ABCG2: variants seen among roughly 807,000 people sequenced by gnomAD.
ABCG2 encodes the protein ATP binding cassette subfamily G member 2 (JR blood group).
In ABCG2, 80 loss-of-function variants were observed where a neutral mutation model predicts 73.5. The observed-to-expected ratio is 1.09, with a 90% CI of 0.91 to 1.31. The LOEUF (loss-of-function observed/expected upper bound fraction) is 1.31, where lower values mean the gene tolerates loss of function less well. Among genes scored for constraint, ABCG2 ranks in the 50% most tolerant of loss-of-function variants. The pLI, the probability that ABCG2 is intolerant of heterozygous loss-of-function variation, is 0.00. For missense variants in ABCG2, 796 were observed against 786.2 expected, an observed-to-expected ratio of 1.01 and a Z score of -0.15; for synonymous variants, 269 against 282.4, an observed-to-expected ratio of 0.95 and a Z score of 0.48.
At chr4:88,208,324 G>A (rs1296276673) in intron 1 of ABCG2, among the ~76,000 whole-genome samples, 1 of 152,148 alleles carries the variant, frequency 6.6e-6, no homozygotes, top group Non-Finnish European at 1.5e-5. Flanking sequence ...TAAGCTATAG[G>A]GAGAGTCGGA....
At chr4:88,216,551 G>T (rs1004711965) in intron 1 of ABCG2, among the ~76,000 whole-genome samples, 2 of 152,178 alleles carry the variant, frequency 1.3e-5, no homozygotes, top group African/African-American at 4.8e-5. Context: ...CAAGGCTGCT[G>T]TAACTATACC....
At chr4:88,138,714 A>G (rs1330927804) in intron 2 of ABCG2, among the ~76,000 whole-genome samples, 9 of 152,190 alleles carry the variant, frequency 5.9e-5, no homozygotes, top group African/African-American at 2.2e-4. Flanking sequence ...CAAAAACACC[A>G]ACCCCTGATG....
In ABCG2 at chr4:88,097,599, G is replaced by C. The variant is rs1284973154; in HGVS notation, c.1501C>G (p.Pro501Ala). 2 of 1,613,762 alleles carry C rather than the reference G, an allele frequency of 1.2e-6. No individual in the cohort carries two copies. The highest frequency in any genetic ancestry group is 2.7e-5 in the African/African-American group (2 of 74,942). The part of the protein sequence containing the change: ...CIVYFMLGLK[P>A]KADAFFVMMF... The stretch of plus-strand genomic sequence containing the variant: ...ATAACGAAGAAGGCATCTGCCTTTG[G>C]CTTCAATCCTTAGTCAGAAAGAGAA... The change falls in exon 13 of 16, where the codon CCA (proline) becomes GCA (alanine). Residue 501 changes from proline (P) to alanine (A), a missense_variant. Transcript: ENST00000237612.
chr4:88,102,142 A>G (rs975720322), intron 10 of ABCG2, among the ~76,000 whole-genome samples: 3 of 152,202 alleles, frequency 2.0e-5, no homozygotes, highest in African/African-American at 4.8e-5. Context: ...GGGCCGTGAC[A>G]TTATCCTTGA....
intron 1 of ABCG2, among the ~76,000 whole-genome samples, chr4:88,149,719 C>A (rs191915431): frequency 6.6e-6 from 1 of 152,024 alleles, no homozygotes; most frequent in Non-Finnish European, 1.5e-5. Flanking sequence ...GGCATGGTAG[C>A]GCATGCCTGT....
chr4:88,132,666 T>C (rs768060003), intron 2 of ABCG2, 31 bp from the exon 3 acceptor site: 6 of 1,612,390 alleles, frequency 3.7e-6, no homozygotes, highest in East Asian at 2.2e-5. Flanking sequence ...TGATTTACTA[T>C]TCCATTTTAA....
chr4:88,185,179 A>G (rs1728402263), intron 1 of ABCG2, among the ~76,000 whole-genome samples: 1 of 152,202 alleles, frequency 6.6e-6, no homozygotes, highest in African/African-American at 2.4e-5. Flanking sequence ...CCTGGCCAAC[A>G]TGATGAAACC....
intron 1 of ABCG2, among the ~76,000 whole-genome samples, chr4:88,167,539 A>G (rs561836954): frequency 6.6e-6 from 1 of 151,766 alleles, no homozygotes; most frequent in African/African-American, 2.4e-5. Flanking sequence ...TGCCCAGCTA[A>G]TTTTTGTTAT....
chr4:88,217,881 G>A (rs905471735), intron 1 of ABCG2, among the ~76,000 whole-genome samples: 1 of 151,448 alleles, frequency 6.6e-6, no homozygotes, highest in African/African-American at 2.4e-5. Flanking sequence ...TGGAAGGACT[G>A]CTTGAGCCCC....
chr4:88,123,960 A>ATCTC (rs1336175277), intron 5 of ABCG2, among the ~76,000 whole-genome samples: 1 of 152,214 alleles, frequency 6.6e-6, no homozygotes, highest in Non-Finnish European at 1.5e-5. Flanking sequence ...CTAACAGCAG[A>ATCTC]TCTCTCTGCA....
rs139507635 is a variant in ABCG2, at chr4:88,216,629, C to T, written c.-20+14365G>A. 8.0e-3 allele frequency among the ~76,000 whole-genome samples: 1,225 copies of T among 152,256 alleles called. 8 individuals carry two copies. Among genetic ancestry groups the T allele is most frequent in the Non-Finnish European group, 0.013 (888 of 68,018 alleles). On this transcript the variant is annotated intron_variant, in intron 1 of 15. Coordinates refer to the ABCG2 transcript ENST00000515655. ...AAGCCGCTGATAAGGCACTATTGTC[C>T]GGGGTGACCAGATGGCCACCTAGTA...
intron 5 of ABCG2, among the ~76,000 whole-genome samples, chr4:88,122,956 T>C (rs1258281856): frequency 6.6e-6 from 1 of 151,984 alleles, no homozygotes; most frequent in Non-Finnish European, 1.5e-5. Context: ...GAACAAAGCT[T>C]CCAGAGAAAA....
intron 5 of ABCG2, among the ~76,000 whole-genome samples, chr4:88,128,427 T>C (rs1342340554): frequency 1.3e-5 from 2 of 152,184 alleles, no homozygotes; most frequent in Non-Finnish European, 2.9e-5. Context: ...ACTGGGTATA[T>C]ACGCAAAGGA....
chr4:88,126,289 C>G (rs1039591717), intron 5 of ABCG2, among the ~76,000 whole-genome samples: 3 of 152,102 alleles, frequency 2.0e-5, no homozygotes, highest in African/African-American at 7.2e-5. Context: ...TAATTAATAG[C>G]CTACCAACCA....
chr4:88,101,408 A>G, intron 10 of ABCG2, 89 bp from the exon 11 acceptor site: 1 of 1,165,090 alleles, frequency 8.6e-7, no homozygotes, highest in Non-Finnish European at 1.3e-6. Flanking sequence ...CACAAATGAC[A>G]GTGTATAAAG....
intron 10 of ABCG2, 84 bp from the exon 11 acceptor site, chr4:88,101,403 A>C: frequency 3.4e-6 from 4 of 1,194,020 alleles, no homozygotes; most frequent in Non-Finnish European, 4.9e-6. Flanking sequence ...CTTTCCACAA[A>C]TGACAGTGTA....
At chr4:88,207,038 AC>A (rs1729407686) in intron 1 of ABCG2, among the ~76,000 whole-genome samples, 1 of 152,002 alleles carries the variant, frequency 6.6e-6, no homozygotes, top group South Asian at 2.1e-4. Context: ...CAGGTGATCC[AC>A]CCGCCTTGGC....
intron 1 of ABCG2, among the ~76,000 whole-genome samples, chr4:88,202,956 C>T (rs1424350373): frequency 6.6e-6 from 1 of 152,098 alleles, no homozygotes; most frequent in African/African-American, 2.4e-5. Flanking sequence ...CTGTACTTTA[C>T]CTTTTCTCTT....
At chr4:88,219,779 T>TG (rs368284354) in intron 1 of ABCG2, among the ~76,000 whole-genome samples, 29 of 149,210 alleles carry the variant, frequency 1.9e-4, no homozygotes, top group African/African-American at 7.2e-4. Flanking sequence ...TTAGTAGAGA[T>TG]GGGGTTTCAC....
Sources: gnomAD v4.1 joint callset for allele counts (sites outside exome capture counted in the v4.1 genomes callset) on GRCh38, gnomAD v4.1.1 for gene constraint, MANE v1.5 for transcripts, NCBI Gene and HGNC (gene_info 2026-07-23, HGNC 2026-07-21) for gene names.